TENM2: variants seen among roughly 807,000 people sequenced by gnomAD.
The protein encoded by TENM2 is teneurin-2.
TENM2 carries 52 observed loss-of-function variants against 245.2 expected under a neutral mutation model. The observed-to-expected ratio is 0.21, with a 90% CI of 0.17 to 0.27. TENM2 has a LOEUF of 0.27. TENM2 is among the 10% of genes least tolerant of loss of function. The pLI, the probability that TENM2 is intolerant of heterozygous loss-of-function variation, is 1.00. For synonymous variants in TENM2, 1,363 were observed against 1,438.9 expected (o/e 0.95, Z 1.19); for missense variants, 3,046 against 3,666.8 (o/e 0.83, Z 4.37).
intron 5 of TENM2, among the ~76,000 whole-genome samples, chr5:168,034,277 G>T (rs1347862865): frequency 1.3e-5 from 2 of 148,304 alleles, no homozygotes; most frequent in East Asian, 2.0e-4. Flanking sequence ...AACCTGGGAG[G>T]GTGCAGTGAG....
intron 2 of TENM2, among the ~76,000 whole-genome samples, chr5:167,737,227 A>T (rs2150577499): frequency 6.6e-6 from 1 of 152,246 alleles, no homozygotes; most frequent in Non-Finnish European, 1.5e-5. Flanking sequence ...GGCCCGGCTC[A>T]CCCCGTGAGC....
intron 1 of TENM2, chr5:167,309,861 G>A (rs1029486500): frequency 1.3e-5 from 2 of 152,208 alleles, no homozygotes; most frequent in Admixed American, 6.5e-5. Context: ...AAGGCTTCCC[G>A]GAGACCCTTG....
chr5:167,070,818 T>C, the TENM2 span, among the ~76,000 whole-genome samples: 3 of 152,292 alleles, frequency 2.0e-5, no homozygotes, highest in East Asian at 5.8e-4. Context: ...GCTTGGTTTG[T>C]CTTTGATATT....
intron 2 of TENM2, among the ~76,000 whole-genome samples, chr5:167,832,028 A>G (rs1346022705): frequency 1.3e-5 from 2 of 152,216 alleles, no homozygotes; most frequent in Non-Finnish European, 2.9e-5. Context: ...ATATAAGTCA[A>G]TAAACAGCTT....
At position 168,143,852 on chromosome 5, in the gene TENM2, T is replaced by A. The variant is rs1755780509; in HGVS notation, c.2422+16886T>A. 2.8e-5 allele frequency among the ~76,000 whole-genome samples: 4 copies of A among 145,274 alleles called. No homozygotes were observed. The East Asian group carries it at 8.0e-4, about 29-fold the overall frequency. ...TTTGTCTACTACACTTCTTTTTTTT[T>A]TTTTTTTTTTTTTTGAGACAGAGTT... is the stretch of plus-strand genomic sequence containing the variant. On this transcript the variant is annotated intron_variant, in intron 12 of 28. Coordinates refer to ENST00000518659, the Ensembl canonical transcript of TENM2.
intron 2 of TENM2, among the ~76,000 whole-genome samples, chr5:167,378,693 T>C (rs1490895619): frequency 1.3e-5 from 2 of 152,026 alleles, no homozygotes; most frequent in African/African-American, 2.4e-5. Context: ...AAATATGTCC[T>C]CTCTAAGGCC....
chr5:167,583,265 C>T (rs1432812569), intron 2 of TENM2, among the ~76,000 whole-genome samples: 1 of 152,146 alleles, frequency 6.6e-6, no homozygotes, highest in African/African-American at 2.4e-5. Context: ...ACATTAATAT[C>T]GCTCACACTT....
chr5:168,007,876 A>G (rs1489449083), intron 5 of TENM2, among the ~76,000 whole-genome samples: 1 of 152,134 alleles, frequency 6.6e-6, no homozygotes, highest in Non-Finnish European at 1.5e-5. Flanking sequence ...AGTCGATTAA[A>G]TTTCCTAAGC....
intron 2 of TENM2, among the ~76,000 whole-genome samples, chr5:167,445,578 T>C (rs2127466655): frequency 6.6e-6 from 1 of 152,224 alleles, no homozygotes. Flanking sequence ...AACTTGTACA[T>C]ACATTTTATC....
chr5:167,471,963 C>A (rs922349779), intron 2 of TENM2, among the ~76,000 whole-genome samples: 11 of 152,198 alleles, frequency 7.2e-5, no homozygotes, highest in African/African-American at 2.7e-4. Context: ...CCTTGGTATG[C>A]AACGCCATTG....
At chr5:167,402,222 A>G (rs1479543870) in intron 2 of TENM2, among the ~76,000 whole-genome samples, 1 of 152,140 alleles carries the variant, frequency 6.6e-6, no homozygotes, top group East Asian at 1.9e-4. Context: ...GAATATAAAT[A>G]TCCATTTTAA....
intron 2 of TENM2, among the ~76,000 whole-genome samples, chr5:167,402,344 C>G (rs1762409135): frequency 4.6e-5 from 7 of 152,098 alleles, no homozygotes. Context: ...AACATTTACC[C>G]CTGACAAATC....
chr5:167,303,523 T>C (rs1375692099), intron 1 of TENM2, among the ~76,000 whole-genome samples: 2 of 152,038 alleles, frequency 1.3e-5, no homozygotes, highest in African/African-American at 2.4e-5. Flanking sequence ...GGAGAAGGAA[T>C]TTCACAAGAT....
In TENM2 at chr5:167,654,406, G is replaced by A. The variant is rs978800295; in HGVS notation, c.503-221580G>A. 3.9e-5 allele frequency among the ~76,000 whole-genome samples: 6 copies of A among 152,128 alleles called. 1 individual carries two copies. Among genetic ancestry groups the A allele is most frequent in the African/African-American group, 1.4e-4 (6 of 41,428 alleles). On this transcript the variant is annotated intron_variant, in intron 2 of 28. Transcript: ENST00000518659. ...CTGCACTTAGCAGTCTGGAGAGCGA[G>A]TGCCTCCTTATCATTTGCTCCCTGG... is the stretch of plus-strand genomic sequence containing the variant.
chr5:168,241,801 G>A (rs934070756), intron 25 of TENM2, among the ~76,000 whole-genome samples: 1 of 152,198 alleles, frequency 6.6e-6, no homozygotes, highest in Non-Finnish European at 1.5e-5. Context: ...ACCTGCCAAA[G>A]TATCAGGGGC....
chr5:167,559,525 A>G (rs1204143687), intron 2 of TENM2, among the ~76,000 whole-genome samples: 1 of 152,210 alleles, frequency 6.6e-6, no homozygotes, highest in Non-Finnish European at 1.5e-5. Flanking sequence ...ATGGTAATGC[A>G]GTTTACAGTC....
rs1258383805 is a variant in TENM2 at position 168,185,976 on chromosome 5, ATATATATATATATATTTGAATT to A, written c.2570-4345_2570-4324del. The A allele has an allele frequency of 4.9e-3, 281 of 57,140 alleles. 3 individuals are homozygous for A. Among genetic ancestry groups the A allele is most frequent in the African/African-American group, 0.013 (270 of 21,276 alleles). The allele number at this position is 57,140 out of a possible 1,614,324, so 3.5% of individuals were successfully genotyped here. On this transcript the variant is annotated intron_variant, in intron 13 of 28. Transcript: ENST00000518659. ...TATATATATATATATTTGAATTTAT[ATATATATATATATATTTGAATT>A]TATATATATATATATAAATTTATTT...
intron 2 of TENM2, among the ~76,000 whole-genome samples, chr5:167,452,464 C>T (rs1765643649): frequency 6.6e-6 from 1 of 152,168 alleles, no homozygotes; most frequent in Non-Finnish European, 1.5e-5. Flanking sequence ...CCCAGGGCGA[C>T]AGCCAGTTTG....
At chr5:167,696,057 AAAC>A (rs1396281271) in intron 2 of TENM2, among the ~76,000 whole-genome samples, 2 of 150,676 alleles carry the variant, frequency 1.3e-5, no homozygotes, top group South Asian at 2.1e-4. Context: ...AACAAAAAAA[AAAC>A]AACAACAACA....
Sources: allele counts gnomAD v4.1 joint callset (sites outside exome capture counted in the v4.1 genomes callset), GRCh38; gene constraint gnomAD v4.1.1; transcripts MANE v1.5; gene names NCBI Gene and HGNC (gene_info 2026-07-23, HGNC 2026-07-21).